AGBL4: variants seen among roughly 807,000 people sequenced by gnomAD.
AGBL4 encodes the protein cytosolic carboxypeptidase 6.
AGBL4 carries 58 observed loss-of-function variants against 66.4 expected under a neutral mutation model. The ratio of observed to expected loss-of-function variants is 0.87; its 90% confidence interval spans 0.71 to 1.09. AGBL4 has a LOEUF of 1.09. AGBL4 is among the 50% of genes least tolerant of loss of function. AGBL4 has a pLI of 0.00. For missense variants in AGBL4, 579 were observed against 631.0 expected (o/e 0.92, Z 0.88); for synonymous variants, 234 against 222.9 (o/e 1.05, Z -0.44).
At chr1:49,101,485 C>A (rs749889884) in intron 4 of AGBL4, among the ~76,000 whole-genome samples, 2 of 152,084 alleles carry the variant, frequency 1.3e-5, no homozygotes, top group East Asian at 1.9e-4. Flanking sequence ...CCATGCCTGG[C>A]CTAAAGAATG....
intron 6 of AGBL4, among the ~76,000 whole-genome samples, chr1:48,837,171 A>G (rs114557123): frequency 2.0e-4 from 31 of 152,030 alleles, no homozygotes; most frequent in African/African-American, 6.3e-4. Flanking sequence ...GCGATTTTCA[A>G]TAGAATAGTC....
intron 3 of AGBL4, among the ~76,000 whole-genome samples, chr1:49,338,287 C>T (rs1463573713): frequency 6.6e-6 from 1 of 152,108 alleles, no homozygotes; most frequent in Non-Finnish European, 1.5e-5. Flanking sequence ...TTCATTTAAC[C>T]CGGAACACAT....
At chr1:48,694,252 G>T (rs1054235306) in intron 6 of AGBL4, among the ~76,000 whole-genome samples, 1 of 152,090 alleles carries the variant, frequency 6.6e-6, no homozygotes, top group Non-Finnish European at 1.5e-5. Context: ...GGATGGGTGA[G>T]GATTGAGAGA....
At chr1:48,888,894 C>T (rs557613250) in intron 5 of AGBL4, among the ~76,000 whole-genome samples, 2 of 152,276 alleles carry the variant, frequency 1.3e-5, no homozygotes, top group South Asian at 2.1e-4. Context: ...GTTTTTATAA[C>T]AACAGAGGCA....
chr1:49,214,452 A>G (rs1238172549), intron 4 of AGBL4, among the ~76,000 whole-genome samples: 3 of 152,134 alleles, frequency 2.0e-5, no homozygotes, highest in African/African-American at 7.2e-5. Context: ...TCACGGCAGT[A>G]CAGAGAGAGA....
At chr1:48,672,504 G>C (rs534512027) in intron 6 of AGBL4, among the ~76,000 whole-genome samples, 3 of 152,300 alleles carry the variant, frequency 2.0e-5, no homozygotes, top group Admixed American at 6.5e-5. Flanking sequence ...CCCCTCCAAT[G>C]GTTTTATTGT....
At chr1:49,520,046 C>A (rs983356206) in intron 3 of AGBL4, among the ~76,000 whole-genome samples, 19 of 151,950 alleles carry the variant, frequency 1.3e-4, no homozygotes, top group Admixed American at 1.0e-3. Flanking sequence ...TTCTAAGAAC[C>A]TGAACAAATA....
intron 4 of AGBL4, among the ~76,000 whole-genome samples, chr1:49,184,647 A>G (rs145892392): frequency 3.9e-5 from 6 of 152,326 alleles, no homozygotes; most frequent in Admixed American, 3.9e-4. Context: ...GTCATTTAAG[A>G]ATGACTTTTG....
At chr1:49,780,322 T>C (rs1175205385) in intron 2 of AGBL4, among the ~76,000 whole-genome samples, 1 of 152,006 alleles carries the variant, frequency 6.6e-6, no homozygotes, top group Non-Finnish European at 1.5e-5. Flanking sequence ...GTAATATAAT[T>C]GATAATAAGA....
At chr1:49,556,368 C>T (rs908740397) in intron 3 of AGBL4, among the ~76,000 whole-genome samples, 6 of 151,820 alleles carry the variant, frequency 4.0e-5, no homozygotes, top group African/African-American at 9.7e-5. Flanking sequence ...CACATACTGG[C>T]GCCTGTCGTG....
intron 3 of AGBL4, among the ~76,000 whole-genome samples, chr1:49,452,785 T>A (rs1052648316): frequency 1.3e-5 from 2 of 151,844 alleles, no homozygotes; most frequent in Non-Finnish European, 2.9e-5. Context: ...AAAAACAGGA[T>A]AAGGATCCCC....
chr1:49,360,695 C>T (rs1348739533), intron 3 of AGBL4, among the ~76,000 whole-genome samples: 2 of 152,004 alleles, frequency 1.3e-5, no homozygotes, highest in African/African-American at 4.8e-5. Flanking sequence ...TATTATATTT[C>T]AATAATTATT....
At chr1:48,587,785 G>A (rs1282849756) in intron 10 of AGBL4, among the ~76,000 whole-genome samples, 1 of 151,326 alleles carries the variant, frequency 6.6e-6, no homozygotes, top group Non-Finnish European at 1.5e-5. Context: ...TGGGACTACA[G>A]GTGCCCACCA....
chr1:49,504,485 A>G (rs1254404076), intron 3 of AGBL4, among the ~76,000 whole-genome samples: 2 of 151,994 alleles, frequency 1.3e-5, no homozygotes, highest in Non-Finnish European at 2.9e-5. Flanking sequence ...CTCCCTTCAG[A>G]TCTAGTAATA....
intron 9 of AGBL4, among the ~76,000 whole-genome samples, chr1:48,624,413 T>A (rs1475151228): frequency 1.3e-5 from 2 of 152,068 alleles, no homozygotes; most frequent in Non-Finnish European, 2.9e-5. Context: ...TGCCAGGAGA[T>A]GGAGAAACAA....
At chr1:48,776,819 CA>C in intron 6 of AGBL4, 1 of 1,515,926 alleles carries the variant, frequency 6.6e-7, no homozygotes, top group Admixed American at 2.2e-5. Flanking sequence ...AGGAACCGCA[CA>C]AAGGCGTACA....
intron 5 of AGBL4, among the ~76,000 whole-genome samples, chr1:48,985,259 C>T (rs1295714353): frequency 1.3e-5 from 2 of 151,958 alleles, no homozygotes; most frequent in Non-Finnish European, 2.9e-5. Context: ...TGATATACTC[C>T]CTGAGTTAAA....
chr1:49,455,376 T>C (rs1646366708), intron 3 of AGBL4, among the ~76,000 whole-genome samples: 1 of 151,692 alleles, frequency 6.6e-6, no homozygotes, highest in South Asian at 2.1e-4. Flanking sequence ...TAAAATGAAG[T>C]GGCATTTTAA....
At chr1:49,055,894 A>AT (rs946757139) in intron 4 of AGBL4, among the ~76,000 whole-genome samples, 3 of 151,990 alleles carry the variant, frequency 2.0e-5, no homozygotes, top group African/African-American at 4.8e-5. Context: ...AAAATATACA[A>AT]TTTTTTTTAG....
Sources: allele counts gnomAD v4.1 joint callset (sites outside exome capture counted in the v4.1 genomes callset), GRCh38; gene constraint gnomAD v4.1.1; transcripts MANE v1.5; gene names NCBI Gene and HGNC (gene_info 2026-07-23, HGNC 2026-07-21).